ZNF534: variants seen among roughly 807,000 people sequenced by gnomAD.
ZNF534 encodes zinc finger protein 534.
ZNF534 carries 19 observed loss-of-function variants against 13.6 expected under a neutral mutation model. That is an observed-to-expected ratio of 1.40 (90% CI 0.97 to 2.05). ZNF534 has a LOEUF of 2.05. ZNF534 is among the 30% of genes most tolerant of loss of function. ZNF534 has a pLI of 0.00. For missense variants in ZNF534, 782 were observed against 796.3 expected (o/e 0.98, Z 0.22); for synonymous variants, 244 against 273.8 (o/e 0.89, Z 1.07).
At chr19:52,431,922 C>T (rs1441509974) in intron 2 of ZNF534, among the ~76,000 whole-genome samples, 3 of 150,754 alleles carry the variant, frequency 2.0e-5, no homozygotes, top group Non-Finnish European at 2.9e-5. Flanking sequence ...TTTGTGATCT[C>T]GGCCATATAA....
chr19:52,444,727 T>A (rs1314980341), downstream of ZNF534, among the ~76,000 whole-genome samples: 1 of 152,074 alleles, frequency 6.6e-6, no homozygotes, highest in Non-Finnish European at 1.5e-5. Context: ...GTTATGTTTC[T>A]AAGAGGATTA....
chr19:52,436,291 A>T (rs1214052473), intron 4 of ZNF534, among the ~76,000 whole-genome samples: 1 of 152,108 alleles, frequency 6.6e-6, no homozygotes, highest in Non-Finnish European at 1.5e-5. Context: ...TACCCTGAAG[A>T]TACCTGCTGG....
rs2059165689 is a variant in ZNF534 at position 52,440,623 on chromosome 19, A to AT, written c.*1178dup. Among the ~76,000 whole-genome samples, 2 of 152,048 alleles carry AT rather than the reference A, an allele frequency of 1.3e-5. No homozygotes were observed. The highest frequency in any genetic ancestry group is 4.2e-4 in the South Asian group (2 of 4,806). On this transcript the variant is annotated 3_prime_UTR_variant, in exon 5 of 5. Transcript: ENST00000433050. ...TGTTGAAACCCCATCACTACTAAAA[A>AT]TAAAAAAAATAGCTGGGTGTGGTGG...
At chr19:52,430,296 G>A (rs958398825) in intron 1 of ZNF534, among the ~76,000 whole-genome samples, 1 of 152,058 alleles carries the variant, frequency 6.6e-6, no homozygotes, top group Non-Finnish European at 1.5e-5. Context: ...GATTACAGGC[G>A]TGAGCCACTG....
chr19:52,448,633 G>A (rs1161669810), intron 4 of ZNF534, among the ~76,000 whole-genome samples: 2 of 152,096 alleles, frequency 1.3e-5, no homozygotes, highest in African/African-American at 4.8e-5. Flanking sequence ...GGCATTATTT[G>A]GGAGAATGTT....
chr19:52,434,464 CAAAAAAAAAAAA>C (rs528136970), intron 3 of ZNF534, among the ~76,000 whole-genome samples: 2 of 63,108 alleles, frequency 3.2e-5, no homozygotes, highest in Non-Finnish European at 6.3e-5. Context: ...GACTCCGTCT[CAAAAAAAAAAAA>C]AAAAAAAAAA....
rs1269407026 is a variant in ZNF534, at chr19:52,438,946, T to G, written c.1486T>G (p.Cys496Gly). The G allele has an allele frequency of 2.5e-6, 4 of 1,603,924 alleles. No individual in the cohort carries two copies. In the South Asian group the frequency reaches 3.3e-5, roughly 13 times the overall value. ...KIHTGEKLYK[C>G]NECGKVFRQN... ...TCATACTGGAGAGAAGCTTTACAAATGTAATGAATGTGGCAAGGTCTTCCG... is the reference window on the plus strand; with the variant it reads ...TCATACTGGAGAGAAGCTTTACAAAGGTAATGAATGTGGCAAGGTCTTCCG... The change falls in exon 5 of 5, where the codon TGT becomes GGT. Residue 496 changes from cysteine (C) to glycine (G), a missense_variant. This residue lies in a region of ZNF534 where 591 missense variants were observed against 574.0 expected (regional missense o/e 1.03). Transcript: ENST00000433050.
At chr19:52,451,210 G>T (rs958328803) in exon 5 of ZNF534, 2 of 704,066 alleles carry the variant, frequency 2.8e-6, no homozygotes, top group Non-Finnish European at 5.3e-6. Flanking sequence ...GGCCTGGGAC[G>T]CGCGCGTCTT....
Position 52,447,907 on chromosome 19 carries a change from C to T in ZNF534, c.272-3280C>T, listed in dbSNP as rs569216178. 2.0e-5 allele frequency among the ~76,000 whole-genome samples: 3 copies of T among 150,942 alleles called. No individual in the cohort carries two copies. The South Asian group carries it at 6.3e-4, about 32-fold the overall frequency. On this transcript the variant is annotated intron_variant, in intron 4 of 4. Transcript: ENST00000301085. ...CTTTTTTTTTTTTCTAATTCCTTTG[C>T]CTAGTTTTGGCAAACCATAATAATG...
At position 52,437,962 on chromosome 19, in the gene ZNF534, C is replaced by A; in HGVS notation, c.502C>A (p.Leu168Ile). The change falls in exon 5 of 5, where the codon CTT becomes ATT. Residue 168 changes from leucine to isoleucine, a missense_variant. Physicochemically the swap from Leu to Ile is conservative, Grantham distance 5. Coordinates refer to ENST00000433050, the MANE Select transcript of ZNF534 (RefSeq NM_001143938.3). ...TTTTAATAACTACAGAAATGATTTT[C>A]TTTTTTCTACATTACTCCCACAAGA... The part of the protein sequence containing the change: ...HIFNNYRNDF[L>I]FSTLLPQEQK... 1.2e-6 allele frequency: 2 copies of A among 1,613,526 alleles called. No individual in the cohort carries two copies. Among genetic ancestry groups the A allele is most frequent in the Non-Finnish European group, 1.7e-6 (2 of 1,179,876 alleles).
chr19:52,438,347 A>AT lies in ZNF534; in HGVS notation c.887_888insT (p.Lys296AsnfsTer6). 6.2e-7 allele frequency: 1 copy of AT among 1,613,396 alleles called. No homozygotes were observed. The highest frequency in any genetic ancestry group is 8.5e-7 in the Non-Finnish European group (1 of 1,179,438). ...CATAGGAAAATTCATACTGGAGAGAAGCCTTACAAATGTAGTGAATGTGGC... is the reference window on the plus strand; with the variant it reads ...CATAGGAAAATTCATACTGGAGAGAATGCCTTACAAATGTAGTGAATGTGGC... On this transcript the variant is annotated frameshift_variant, in exon 5 of 5. Transcript: ENST00000433050. LOFTEE classifies it low-confidence loss of function (END_TRUNC).
exon 5 of ZNF534, chr19:52,451,452 C>G: frequency 1.6e-6 from 1 of 611,114 alleles, no homozygotes; most frequent in Non-Finnish European, 2.9e-6. Context: ...ACGCCCCGGA[C>G]GCTGTCCAGC....
At chr19:52,452,068 G>T in exon 5 of ZNF534, 1 of 177,632 alleles carries the variant, frequency 5.6e-6, no homozygotes, top group South Asian at 1.3e-4. Flanking sequence ...TAAAAGTACT[G>T]CATTTTTTTT....
chr19:52,451,496 AAG>A (rs1259445216), exon 5 of ZNF534: 1 of 575,978 alleles, frequency 1.7e-6, no homozygotes, highest in Non-Finnish European at 3.0e-6. Flanking sequence ...CCGCGGAGCT[AAG>A]ACACCCGCCG....
At chr19:52,433,902 G>A in intron 2 of ZNF534, 53 bp from the exon 3 acceptor site, 1 of 1,605,912 alleles carries the variant, frequency 6.2e-7, no homozygotes, top group Non-Finnish European at 8.5e-7. Flanking sequence ...CATTCTGTTT[G>A]AAGATAAGTA....
At chr19:52,436,789 GT>G (rs1282819539) in intron 4 of ZNF534, among the ~76,000 whole-genome samples, 3 of 151,870 alleles carry the variant, frequency 2.0e-5, no homozygotes, top group African/African-American at 7.3e-5. Flanking sequence ...CTGTTCTCTT[GT>G]TTTTAATGAT....
At chr19:52,442,998 A>G (rs2059181859), downstream of ZNF534, among the ~76,000 whole-genome samples, 2 of 152,342 alleles carry the variant, frequency 1.3e-5, no homozygotes, top group South Asian at 4.1e-4. Context: ...CATTAAAGGC[A>G]TGGCATTTTT....
At chr19:52,432,971 G>A (rs544541686) in intron 2 of ZNF534, among the ~76,000 whole-genome samples, 1 of 152,132 alleles carries the variant, frequency 6.6e-6, no homozygotes, top group South Asian at 2.1e-4. Context: ...GGTCGGATGT[G>A]GTAGCTCATG....
rs1451540106 is a variant in ZNF534 at position 52,434,004 on chromosome 19, G to A, written c.65G>A (p.Trp22Ter). 1.2e-6 allele frequency: 2 copies of A among 1,614,092 alleles called. No individual in the cohort carries two copies. The highest frequency in any genetic ancestry group is 1.1e-5 in the South Asian group (1 of 91,088). Residue 22 changes from tryptophan (W) to a stop codon, truncating the protein, a stop_gained, in exon 3 of 5, where the codon TGG becomes TAG. Transcript: ENST00000433050. LOFTEE classifies it high-confidence loss of function. ...GCCATAGAATTCTCTCAGGAGGAGT[G>A]GAAATGCCTGGACCCTGGGCAGAAA... is the stretch of plus-strand genomic sequence containing the variant. ...DVAIEFSQEE[W>*]KCLDPGQKAL...
Sources: gnomAD v4.1 joint callset for allele counts (sites outside exome capture counted in the v4.1 genomes callset) on GRCh38, gnomAD v4.1.1 for gene constraint, gnomAD v4.1.1 regional missense constraint, MANE v1.5 for transcripts, NCBI Gene and HGNC (gene_info 2026-07-23, HGNC 2026-07-21) for gene names.